The following DNAH6 variants were observed in gnomAD, a reference collection of about 807,000 sequenced individuals.
The protein encoded by DNAH6 is dynein axonemal heavy chain 6.
A neutral mutation model predicts 491.4 loss-of-function variants in DNAH6; 340 were observed. The observed-to-expected ratio is 0.69, with a 90% CI of 0.63 to 0.76. DNAH6 has a LOEUF of 0.76. Among genes scored for constraint, DNAH6 ranks in the 30% least tolerant of loss-of-function variants. The pLI is 0.00. For missense variants in DNAH6, 4,443 were observed against 4,972.2 expected (o/e 0.89, Z 3.20); for synonymous variants, 1,603 against 1,686.1 (o/e 0.95, Z 1.21).
At chr2:84,568,053 G>A (rs902732525) in intron 11 of DNAH6, among the ~76,000 whole-genome samples, 3 of 152,058 alleles carry the variant, frequency 2.0e-5, no homozygotes, top group African/African-American at 7.2e-5. Flanking sequence ...CAGTCAGAAT[G>A]GCAATTATTA....
At chr2:84,647,048 T>G (rs1689970358) in intron 33 of DNAH6, among the ~76,000 whole-genome samples, 1 of 152,082 alleles carries the variant, frequency 6.6e-6, no homozygotes, top group Non-Finnish European at 1.5e-5. Flanking sequence ...AGTTTCACCA[T>G]GTTGGCCAGG....
At chr2:84,598,168 TTTC>T in intron 18 of DNAH6, among the ~76,000 whole-genome samples, 1 of 73,890 alleles carries the variant, frequency 1.4e-5, no homozygotes, top group Non-Finnish European at 3.4e-5. Context: ...TCTTTCTTTC[TTTC>T]TTTCTTTCTC....
rs1451557793 is a variant in DNAH6, at chr2:84,659,102, C to G, written c.6017C>G (p.Thr2006Ser). The G allele has an allele frequency of 6.6e-7, 1 of 1,517,648 alleles. No individual in the cohort carries two copies. The highest frequency in any genetic ancestry group is 1.2e-5 in the South Asian group (1 of 81,462). 94.0% of individuals were successfully genotyped at this position (1,517,648 alleles called of 1,614,324 possible). Residue 2006 changes from threonine to serine, a missense_variant, in exon 37 of 77, where the codon ACT becomes AGT. Transcript: ENST00000389394. ...CYLWSLGGNL[T>S]ENYYDSFDTF... ...TTGTGGTCTTTGGGTGGAAACCTAA[C>G]TGAAAACTACTATGATTCTTTTGAT...
At chr2:84,696,806 A>C (rs1425450271) in intron 46 of DNAH6, among the ~76,000 whole-genome samples, 1 of 152,148 alleles carries the variant, frequency 6.6e-6, no homozygotes, top group Non-Finnish European at 1.5e-5. Context: ...AAAGACAAAA[A>C]GTCTATTTCA....
At chr2:84,793,821 G>T (rs1678027840) in intron 68 of DNAH6, among the ~76,000 whole-genome samples, 1 of 152,186 alleles carries the variant, frequency 6.6e-6, no homozygotes, top group African/African-American at 2.4e-5. Context: ...GGGAAGACAG[G>T]CATCTCTACA....
chr2:84,471,638 A>G, the DNAH6 span, among the ~76,000 whole-genome samples: 57 of 152,206 alleles, frequency 3.7e-4, no homozygotes, highest in Non-Finnish European at 6.8e-4. Context: ...AACCCCATCC[A>G]TGGTTGGATC....
At chr2:84,712,362 C>A (rs1697123399) in intron 56 of DNAH6, among the ~76,000 whole-genome samples, 3 of 152,026 alleles carry the variant, frequency 2.0e-5, no homozygotes, top group South Asian at 4.2e-4. Flanking sequence ...TTTTGAAAGC[C>A]CCTGGGCCAT....
At chr2:84,584,306 T>C in intron 15 of DNAH6, 56 bp downstream of exon 15, 1 of 1,539,852 alleles carries the variant, frequency 6.5e-7, no homozygotes, top group Non-Finnish European at 8.8e-7. Context: ...ACTATTACAT[T>C]TGTTTATTAA....
At chr2:84,632,410 G>A (rs1206079345) in intron 29 of DNAH6, among the ~76,000 whole-genome samples, 1 of 152,086 alleles carries the variant, frequency 6.6e-6, no homozygotes, top group Non-Finnish European at 1.5e-5. Flanking sequence ...AGAGAAAGAG[G>A]GTCATTTTTG....
At chr2:84,461,333 C>G in the DNAH6 span, among the ~76,000 whole-genome samples, 1 of 152,198 alleles carries the variant, frequency 6.6e-6, no homozygotes, top group African/African-American at 2.4e-5. Context: ...AATAAAAACT[C>G]TCTTCCTCCC....
At chr2:84,805,929 G>T in intron 71 of DNAH6, 135 bp downstream of exon 71, 1 of 708,084 alleles carries the variant, frequency 1.4e-6, no homozygotes, top group East Asian at 3.0e-5. Flanking sequence ...TTGACATGGA[G>T]CTCTTCATTT....
the DNAH6 span, among the ~76,000 whole-genome samples, chr2:84,486,860 G>A: frequency 6.6e-6 from 1 of 152,182 alleles, no homozygotes; most frequent in Non-Finnish European, 1.5e-5. Context: ...AGTGGCTTAG[G>A]AGTTTAATGA....
intron 64 of DNAH6, among the ~76,000 whole-genome samples, chr2:84,781,023 A>G (rs2105221348): frequency 6.6e-6 from 1 of 152,314 alleles, no homozygotes; most frequent in South Asian, 2.1e-4. Flanking sequence ...AGGTGGTGGT[A>G]CATGTGCACA....
chr2:84,592,711 A>G (rs192028927), intron 16 of DNAH6, among the ~76,000 whole-genome samples: 131 of 152,238 alleles, frequency 8.6e-4, no homozygotes, highest in Non-Finnish European at 1.7e-3. Flanking sequence ...GAATGGATAA[A>G]GAAAATATGG....
At chr2:84,737,910 G>A (rs1019999848) in intron 62 of DNAH6, among the ~76,000 whole-genome samples, 6 of 150,960 alleles carry the variant, frequency 4.0e-5, no homozygotes, top group Non-Finnish European at 8.9e-5. Flanking sequence ...TTTCCTTTAG[G>A]TACAAGGTTA....
intron 61 of DNAH6, among the ~76,000 whole-genome samples, chr2:84,731,582 T>A (rs1404367939): frequency 2.6e-5 from 4 of 152,164 alleles, no homozygotes; most frequent in Non-Finnish European, 5.9e-5. Flanking sequence ...TTTTCCTGAG[T>A]GGGAGAAGCA....
intron 29 of DNAH6, among the ~76,000 whole-genome samples, chr2:84,632,769 A>G (rs185681332): frequency 2.0e-5 from 3 of 152,198 alleles, no homozygotes; most frequent in East Asian, 1.9e-4. Context: ...ATCTCTGACT[A>G]ATCCCTTTTT....
chr2:84,804,366 T>C (rs544363463), intron 70 of DNAH6, among the ~76,000 whole-genome samples: 2 of 152,248 alleles, frequency 1.3e-5, no homozygotes, highest in African/African-American at 4.8e-5. Context: ...TGAGGATTTT[T>C]CAGTGATATT....
intron 42 of DNAH6, among the ~76,000 whole-genome samples, chr2:84,682,942 G>A (rs578175767): frequency 1.3e-5 from 2 of 152,014 alleles, no homozygotes; most frequent in African/African-American, 2.4e-5. Flanking sequence ...ATCTGGATCC[G>A]GGCTCCCTCT....
Sources: gnomAD v4.1 joint callset for allele counts (sites outside exome capture counted in the v4.1 genomes callset) on GRCh38, gnomAD v4.1.1 for gene constraint, MANE v1.5 for transcripts, NCBI Gene and HGNC (gene_info 2026-07-23, HGNC 2026-07-21) for gene names.